The following PHC2 variants were observed in gnomAD, a reference collection of about 807,000 sequenced individuals.
PHC2 encodes polyhomeotic homolog 2, also known as polyhomeotic-like protein 2.
In PHC2, 29 loss-of-function variants were observed where a neutral mutation model predicts 87.4. The observed-to-expected ratio is 0.33, with a 90% CI of 0.25 to 0.45. PHC2 has a LOEUF of 0.45. Among genes scored for constraint, PHC2 ranks in the 20% least tolerant of loss-of-function variants. The probability of loss-of-function intolerance (pLI) is 1.00; values close to 1 mark genes in which losing one functional copy is unlikely to be tolerated. For synonymous variants in PHC2, 438 were observed against 461.7 expected, an observed-to-expected ratio of 0.95 and a Z score of 0.66; for missense variants, 857 against 1,136.7, an observed-to-expected ratio of 0.75 and a Z score of 3.54.
chr1:33,349,189 C>T lies in PHC2; in HGVS notation c.1558+5212G>A. On this transcript the variant is annotated intron_variant, in intron 9 of 14. Transcript: ENST00000683057. This position sits in a 1 kb window ranked among gnomAD's most constrained non-coding sequence, Gnocchi z 4.2. ...TAAAAACAAAACTCTCCAGCGAAGC[C>T]GCAGGCGCCTCCAAGATAGGGAGTC... is the stretch of plus-strand genomic sequence containing the variant. The T allele has an allele frequency of 1.0e-6, 1 of 985,472 alleles. No homozygotes were observed. The highest frequency in any genetic ancestry group is 1.2e-6 in the Non-Finnish European group (1 of 829,948). The allele number at this position is 985,472 out of a possible 1,614,324, so 61.0% of individuals were successfully genotyped here.
At chr1:33,365,121 T>C (rs186589977) in intron 7 of PHC2, among the ~76,000 whole-genome samples, 1 of 152,270 alleles carries the variant, frequency 6.6e-6, no homozygotes, top group African/African-American at 2.4e-5. Context: ...TTAGGTGACT[T>C]TGAGTGCGTG....
chr1:33,344,506 T>C (rs1301688138), intron 9 of PHC2, among the ~76,000 whole-genome samples: 1 of 152,242 alleles, frequency 6.6e-6, no homozygotes, highest in Non-Finnish European at 1.5e-5. Context: ...ATAACCATTG[T>C]CTAAGCTTCC....
At chr1:33,360,670 G>A (rs1171513666) in intron 7 of PHC2, among the ~76,000 whole-genome samples, 1 of 152,242 alleles carries the variant, frequency 6.6e-6, no homozygotes, top group Non-Finnish European at 1.5e-5. Flanking sequence ...CCTGTTATCT[G>A]TGTGTTGCTT....
At chr1:33,366,522 A>G (rs1391945899) in intron 7 of PHC2, among the ~76,000 whole-genome samples, 1 of 152,214 alleles carries the variant, frequency 6.6e-6, no homozygotes, top group Admixed American at 6.5e-5. Flanking sequence ...CAAGCCACAT[A>G]GCTCTTCTGT....
chr1:33,403,967 A>G (rs958338229), intron 1 of PHC2, among the ~76,000 whole-genome samples: 6 of 152,132 alleles, frequency 3.9e-5, no homozygotes, highest in African/African-American at 1.4e-4. Flanking sequence ...CCATTTTTTC[A>G]TATGCTGTTC....
At chr1:33,411,495 T>TA (rs956879185) in intron 1 of PHC2, among the ~76,000 whole-genome samples, 19 of 151,978 alleles carry the variant, frequency 1.3e-4, no homozygotes, top group Non-Finnish European at 2.5e-4. Flanking sequence ...AAGTTTAACA[T>TA]AAAAAAATCT....
chr1:33,354,801 C>T, intron 8 of PHC2, 37 bp downstream of exon 8: 4 of 1,591,838 alleles, frequency 2.5e-6, no homozygotes, highest in African/African-American at 1.3e-5. Flanking sequence ...TGTGGCCACC[C>T]CGTGTGCTCC....
intron 9 of PHC2, among the ~76,000 whole-genome samples, chr1:33,338,204 C>T (rs532027621): frequency 1.3e-5 from 2 of 152,300 alleles, no homozygotes; most frequent in African/African-American, 4.8e-5. Flanking sequence ...CAGATACATT[C>T]GTGAGCAGAT....
chr1:33,417,031 A>C (rs1245236278), intron 1 of PHC2, among the ~76,000 whole-genome samples: 1 of 152,146 alleles, frequency 6.6e-6, no homozygotes. Flanking sequence ...TGTTTCTCTA[A>C]TATATATAAA....
Position 33,367,189 on chromosome 1 carries a change from T to C in PHC2, c.903A>G (p.Pro301=), listed in dbSNP as rs1308629760. Residue 301 remains proline, a synonymous_variant, in exon 7 of 15, where the codon CCA becomes CCG. Transcript: ENST00000683057. ...HKKGDGNSSV[P]GSMEGRAGLS... ...GCCCAGCCCGGCCTTCCATGCTCCC[T>C]GGCACACTGCTGTTGCCATCTCCTT... 1 of 1,614,106 alleles carries C rather than the reference T, an allele frequency of 6.2e-7. No individual in the cohort carries two copies. Among genetic ancestry groups the C allele is most frequent in the Admixed American group, 1.7e-5 (1 of 60,012 alleles).
intron 6 of PHC2, among the ~76,000 whole-genome samples, 165 bp from the exon 7 acceptor site, chr1:33,367,593 C>T (rs922034828): frequency 1.5e-4 from 23 of 152,080 alleles, no homozygotes; most frequent in Admixed American, 1.3e-3. Flanking sequence ...ACCAGAAGCA[C>T]GTGGAGTTGC....
chr1:33,389,181 T>C (rs1570503764), intron 1 of PHC2, among the ~76,000 whole-genome samples: 1 of 151,380 alleles, frequency 6.6e-6, no homozygotes, highest in Non-Finnish European at 1.5e-5. Context: ...TTTGGCAGGG[T>C]GTGGGGGGTG....
Position 33,334,411 on chromosome 1 carries a change from G to A in PHC2, c.1559-119C>T. 4 of 805,190 alleles carry A rather than the reference G, an allele frequency of 5.0e-6. No individual in the cohort carries two copies. The highest frequency in any genetic ancestry group is 6.0e-6 in the Non-Finnish European group (3 of 498,170). The allele number at this position is 805,190 out of a possible 1,614,324, so 49.9% of individuals were successfully genotyped here. On this transcript the variant is annotated intron_variant, in intron 9 of 14. Coordinates refer to ENST00000683057, the MANE Select transcript of PHC2 (RefSeq NM_001385109.1). This position sits in a 1 kb window ranked among gnomAD's most constrained non-coding sequence, Gnocchi z 5.5. ...TTTTACCGTGGGGCCAAGCGACAATGCAAACCAAGCAGTCCCCTCCCCTCA... is the reference window on the plus strand; with the variant it reads ...TTTTACCGTGGGGCCAAGCGACAATACAAACCAAGCAGTCCCCTCCCCTCA...
Position 33,340,196 on chromosome 1 carries a change from T to G in PHC2, c.1559-5904A>C, listed in dbSNP as rs138591721. Among the ~76,000 whole-genome samples the G allele has an allele frequency of 4.0e-3, 607 of 152,300 alleles. 5 individuals are homozygous for G. Among genetic ancestry groups the G allele is most frequent in the African/African-American group, 0.014 (581 of 41,546 alleles). ...TGCAGTAGGAGTATGACAGAGCTAA[T>G]GAAATGAATAAAGAATTTAAAGAAG... On this transcript the variant is annotated intron_variant, in intron 9 of 14. Coordinates refer to ENST00000683057, the MANE Select transcript of PHC2 (RefSeq NM_001385109.1).
chr1:33,360,510 A>G (rs1270908250), intron 7 of PHC2, among the ~76,000 whole-genome samples: 1 of 152,214 alleles, frequency 6.6e-6, no homozygotes, highest in East Asian at 1.9e-4. Context: ...CTGTATCTTG[A>G]CTTGCTGTTC....
chr1:33,401,475 CT>C (rs1410321051), intron 1 of PHC2, among the ~76,000 whole-genome samples: 3 of 152,208 alleles, frequency 2.0e-5, no homozygotes, highest in African/African-American at 7.2e-5. Flanking sequence ...TTAGCACTAT[CT>C]TTTGGATAGA....
In PHC2 at chr1:33,334,405, G is replaced by A. The variant is rs1034745320; in HGVS notation, c.1559-113C>T. 6 of 901,580 alleles carry A rather than the reference G, an allele frequency of 6.7e-6. No homozygotes were observed. The highest frequency in any genetic ancestry group is 1.7e-5 in the African/African-American group (1 of 59,456). The allele number at this position is 901,580 out of a possible 1,614,324, so 55.8% of individuals were successfully genotyped here. ...CCCGGCTTTTACCGTGGGGCCAAGC[G>A]ACAATGCAAACCAAGCAGTCCCCTC... is the stretch of plus-strand genomic sequence containing the variant. On this transcript the variant is annotated intron_variant, in intron 9 of 14. Transcript: ENST00000683057. This position sits in a 1 kb window ranked among gnomAD's most constrained non-coding sequence, Gnocchi z 5.5.
chr1:33,348,431 A>C (rs910447028), intron 9 of PHC2, among the ~76,000 whole-genome samples: 2 of 152,372 alleles, frequency 1.3e-5, no homozygotes, highest in Non-Finnish European at 2.9e-5. Flanking sequence ...CAGGTGAATG[A>C]TAATTGGATT....
At position 33,349,221 on chromosome 1, in the gene PHC2, CAATAAA is replaced by C; in HGVS notation, c.1558+5174_1558+5179del. ...GCCTCCAAGATAGGGAGTCCACCAC[CAATAAA>C]GTACGGCAGATGCCAGCAGTCTCGT... On this transcript the variant is annotated intron_variant, in intron 9 of 14. Coordinates refer to ENST00000683057, the MANE Select transcript of PHC2 (RefSeq NM_001385109.1). The surrounding 1 kb of genome is among the most constrained non-coding windows in gnomAD (Gnocchi z 4.2). The C allele has an allele frequency of 1.0e-6, 1 of 985,438 alleles. No homozygotes were observed. Among genetic ancestry groups the C allele is most frequent in the Non-Finnish European group, 1.2e-6 (1 of 829,956 alleles). The allele number at this position is 985,438 out of a possible 1,614,324, so 61.0% of individuals were successfully genotyped here. A position where few individuals can be genotyped will look rare whatever the true frequency, so the allele number is the denominator to read the frequency against.
Sources: gnomAD v4.1 joint callset for allele counts (sites outside exome capture counted in the v4.1 genomes callset) on GRCh38, gnomAD v4.1.1 for gene constraint, Gnocchi (gnomAD v3.1) non-coding constraint, MANE v1.5 for transcripts, NCBI Gene and HGNC (gene_info 2026-07-23, HGNC 2026-07-21) for gene names.